SLC37A1: variants seen among roughly 807,000 people sequenced by gnomAD.
The protein encoded by SLC37A1 is glucose-6-phosphate exchanger SLC37A1.
Under a neutral mutation model 75.3 loss-of-function variants are expected in SLC37A1, and 49 were observed. That is an observed-to-expected ratio of 0.65 (90% CI 0.52 to 0.83). The LOEUF (loss-of-function observed/expected upper bound fraction) is 0.83. Ranked by LOEUF, SLC37A1 falls within the 40% of genes least tolerant of loss-of-function variation. The pLI is 0.00. For missense variants in SLC37A1, 566 were observed against 695.0 expected (o/e 0.81, Z 2.09); for synonymous variants, 268 against 292.1 (o/e 0.92, Z 0.84).
intron 12 of SLC37A1, among the ~76,000 whole-genome samples, chr21:42,563,476 C>CCATGTGGTCAGTCAGCA (rs143428135): frequency 2.4e-4 from 37 of 152,068 alleles, no homozygotes; most frequent in African/African-American, 8.9e-4. Context: ...AGTTCTAAAG[C>CCATGTGGTCAGTCAGCA]CGTGTGACAG....
At chr21:42,517,154 G>A (rs775098160) in intron 1 of SLC37A1, among the ~76,000 whole-genome samples, 5 of 152,192 alleles carry the variant, frequency 3.3e-5, no homozygotes, top group Admixed American at 6.5e-5. Flanking sequence ...CATTTACTAC[G>A]TACCAGGCCA....
chr21:42,547,268 AT>A lies in SLC37A1; in HGVS notation c.768+130del. On this transcript the variant is annotated intron_variant, in intron 9 of 19. Transcript: ENST00000352133. This position sits in a 1 kb window ranked among gnomAD's most constrained non-coding sequence, Gnocchi z 6.1. ...TAGACAGAAGTCCCACCCTCAAAAC[AT>A]TGGCAGTTCTAGGAATAGAGAATAT... The A allele has an allele frequency of 1.0e-6, 1 of 986,494 alleles. No individual in the cohort carries two copies. 61.1% of individuals were successfully genotyped at this position (986,494 alleles called of 1,614,324 possible).
chr21:42,535,579 T>G, intron 5 of SLC37A1, 29 bp downstream of exon 5: 1 of 1,595,728 alleles, frequency 6.3e-7, no homozygotes, highest in East Asian at 2.2e-5. Context: ...TCCAGACCCT[T>G]CCTGGTTACC....
At chr21:42,575,184 G>A (rs1404134564) in intron 18 of SLC37A1, 1 of 984,188 alleles carries the variant, frequency 1.0e-6, no homozygotes, top group Non-Finnish European at 1.2e-6. Flanking sequence ...GATCCTGCCT[G>A]TCACCTGTCA....
At chr21:42,542,767 C>T (rs1569010461) in intron 7 of SLC37A1, among the ~76,000 whole-genome samples, 2 of 152,262 alleles carry the variant, frequency 1.3e-5, no homozygotes, top group East Asian at 3.8e-4. Context: ...GTCCAGGACC[C>T]TGCCCCAGGC....
intron 5 of SLC37A1, among the ~76,000 whole-genome samples, chr21:42,535,993 G>T (rs2055127654): frequency 6.6e-6 from 1 of 152,234 alleles, no homozygotes; most frequent in African/African-American, 2.4e-5. Context: ...GTTGACACAG[G>T]ATGTGCTGAA....
rs150811227 is a variant in SLC37A1 at position 42,579,651 on chromosome 21, C to T, written c.1522-85C>T. On this transcript the variant is annotated intron_variant, in intron 18 of 19. Coordinates refer to ENST00000352133, the MANE Select transcript of SLC37A1 (RefSeq NM_001320537.2). ...GAGAGAGCCACCCGCCCAGGCCTTG[C>T]GGGCCAGGTCCTCATGGTGCCCACG... 767 of 1,382,054 alleles carry T rather than the reference C, an allele frequency of 5.5e-4. 4 individuals carry two copies. In the African/African-American group the frequency reaches 8.7e-3, roughly 16 times the overall value. 85.6% of individuals were successfully genotyped at this position (1,382,054 alleles called of 1,614,324 possible).
chr21:42,538,978 G>A (rs552828589), intron 5 of SLC37A1, among the ~76,000 whole-genome samples: 49 of 152,308 alleles, frequency 3.2e-4, no homozygotes, highest in African/African-American at 1.2e-3. Context: ...GGTCAAAGTG[G>A]TGTGGCAGGA....
At chr21:42,567,701 G>A (rs939504040) in intron 16 of SLC37A1, among the ~76,000 whole-genome samples, 8 of 151,896 alleles carry the variant, frequency 5.3e-5, no homozygotes, top group Non-Finnish European at 8.8e-5. Context: ...TTTTTTGAAC[G>A]CTGGTTCATT....
chr21:42,567,819 G>A (rs2056018035), intron 16 of SLC37A1, among the ~76,000 whole-genome samples: 1 of 152,150 alleles, frequency 6.6e-6, no homozygotes, highest in African/African-American at 2.4e-5. Context: ...CAAAACCAGA[G>A]CTCCTGGCGG....
intron 3 of SLC37A1, among the ~76,000 whole-genome samples, chr21:42,529,620 G>A (rs1235562393): frequency 1.3e-5 from 2 of 152,164 alleles, no homozygotes; most frequent in African/African-American, 4.8e-5. Context: ...ACAAATCCAA[G>A]AAGAAAATTA....
chr21:42,569,566 C>G (rs1438650322), intron 17 of SLC37A1, among the ~76,000 whole-genome samples: 1 of 108,880 alleles, frequency 9.2e-6, no homozygotes, highest in East Asian at 2.1e-4. Flanking sequence ...CTCCCTCGTG[C>G]CTTGAGTCTT....
intron 8 of SLC37A1, 45 bp downstream of exon 8, chr21:42,543,647 G>T: frequency 1.3e-6 from 2 of 1,538,428 alleles, no homozygotes; most frequent in Non-Finnish European, 1.8e-6. Flanking sequence ...GGGAGGCCTC[G>T]GATTTCCCTG....
chr21:42,520,728 G>T (rs1335449794), intron 2 of SLC37A1, among the ~76,000 whole-genome samples: 1 of 152,198 alleles, frequency 6.6e-6, no homozygotes, highest in Non-Finnish European at 1.5e-5. Flanking sequence ...AGCACACTTT[G>T]GTCCGGGATC....
chr21:42,549,668 A>G (rs1461074931), intron 9 of SLC37A1, among the ~76,000 whole-genome samples: 1 of 152,126 alleles, frequency 6.6e-6, no homozygotes, highest in Non-Finnish European at 1.5e-5. Flanking sequence ...GAGGGAGCTG[A>G]GGGCAGTTTG....
At chr21:42,573,928 C>T (rs2056247558) in intron 17 of SLC37A1, among the ~76,000 whole-genome samples, 1 of 152,226 alleles carries the variant, frequency 6.6e-6, no homozygotes, top group Non-Finnish European at 1.5e-5. Context: ...TTTAAAAACA[C>T]ATCTTGACAT....
chr21:42,553,476 A>T (rs2055605563), intron 9 of SLC37A1, among the ~76,000 whole-genome samples: 1 of 152,214 alleles, frequency 6.6e-6, no homozygotes, highest in Non-Finnish European at 1.5e-5. Flanking sequence ...TGATTAGGAA[A>T]TGGTACCTTT....
intron 9 of SLC37A1, among the ~76,000 whole-genome samples, chr21:42,549,268 C>T (rs1199559869): frequency 6.6e-6 from 1 of 152,202 alleles, no homozygotes; most frequent in African/African-American, 2.4e-5. Flanking sequence ...AGCAGGCGTG[C>T]AGGGGGTTTT....
chr21:42,509,024 T>G (rs147629962), upstream of SLC37A1, among the ~76,000 whole-genome samples: 19 of 152,332 alleles, frequency 1.2e-4, 4 homozygotes, highest in East Asian at 1.9e-4. This position sits in a 1 kb window ranked among gnomAD's most constrained non-coding sequence, Gnocchi z 4.2. Flanking sequence ...AGCACAGCCT[T>G]CTGTCTTTAT....
Sources: gnomAD v4.1 joint callset for allele counts (sites outside exome capture counted in the v4.1 genomes callset) on GRCh38, gnomAD v4.1.1 for gene constraint, Gnocchi (gnomAD v3.1) non-coding constraint, MANE v1.5 for transcripts, NCBI Gene and HGNC (gene_info 2026-07-23, HGNC 2026-07-21) for gene names.